EIPR1: variants seen among roughly 807,000 people sequenced by gnomAD.
EIPR1 encodes EARP and GARP complex-interacting protein 1.
A neutral mutation model predicts 48.1 loss-of-function variants in EIPR1; 25 were observed. The observed-to-expected ratio is 0.52, with a 90% CI of 0.38 to 0.73. EIPR1 has a LOEUF of 0.73. Ranked by LOEUF, EIPR1 falls within the 30% of genes least tolerant of loss-of-function variation. EIPR1 has a pLI of 0.00. For synonymous variants in EIPR1, 204 were observed against 201.9 expected, an observed-to-expected ratio of 1.01 and a Z score of -0.09; for missense variants, 415 against 506.2, an observed-to-expected ratio of 0.82 and a Z score of 1.73.
At position 3,286,432 on chromosome 2, in the gene EIPR1, C is replaced by T. The variant is rs114745127; in HGVS notation, c.260-28977G>A. Reference sequence around the variant, plus strand: ...GCCCAGAAGGAGCAGTGCCAAGGACCCCCGGGGGTGGGGCCATCCTACCAG... The same window carrying T: ...GCCCAGAAGGAGCAGTGCCAAGGACTCCCGGGGGTGGGGCCATCCTACCAG... On this transcript the variant is annotated intron_variant, in intron 3 of 8. Coordinates refer to ENST00000382125, the MANE Select transcript of EIPR1 (RefSeq NM_003310.5). This position sits in a 1 kb window ranked among gnomAD's most constrained non-coding sequence, Gnocchi z 4.2. Among the ~76,000 whole-genome samples, 863 of 152,210 alleles carry T rather than the reference C, an allele frequency of 5.7e-3. 6 individuals carry two copies. The highest frequency in any genetic ancestry group is 0.02 in the African/African-American group (811 of 41,534).
intron 2 of EIPR1, among the ~76,000 whole-genome samples, chr2:3,350,704 A>G (rs1048760130): frequency 5.3e-5 from 8 of 152,220 alleles, no homozygotes; most frequent in Non-Finnish European, 8.8e-5. Context: ...TACCAGAAAC[A>G]GAAAGACAAA....
At chr2:3,246,879 G>GGGAA (rs1349007532) in intron 4 of EIPR1, among the ~76,000 whole-genome samples, 3 of 33,676 alleles carry the variant, frequency 8.9e-5, no homozygotes, top group African/African-American at 4.1e-4. Context: ...GAGGGAGGGA[G>GGGAA]GGAGGGAGGG....
intron 3 of EIPR1, among the ~76,000 whole-genome samples, chr2:3,330,465 C>T (rs963284871): frequency 2.6e-5 from 4 of 151,978 alleles, no homozygotes; most frequent in Admixed American, 6.6e-5. Flanking sequence ...AGAGTGTCGC[C>T]GAGGATGGTG....
chr2:3,306,593 T>C (rs772078959), intron 3 of EIPR1, among the ~76,000 whole-genome samples: 12 of 152,262 alleles, frequency 7.9e-5, no homozygotes, highest in Non-Finnish European at 1.8e-4. Flanking sequence ...GTATGACAAA[T>C]GTATTACAGA....
chr2:3,248,864 C>A (rs1299675445), intron 4 of EIPR1, among the ~76,000 whole-genome samples: 2 of 152,220 alleles, frequency 1.3e-5, no homozygotes, highest in African/African-American at 4.8e-5. Context: ...CACTGGGCCC[C>A]TTTCACCTTC....
At chr2:3,314,618 T>G (rs1406819982) in intron 3 of EIPR1, among the ~76,000 whole-genome samples, 1 of 151,670 alleles carries the variant, frequency 6.6e-6, no homozygotes, top group Non-Finnish European at 1.5e-5. Context: ...GTGGTCTCAC[T>G]CACCGGCCAG....
At chr2:3,240,660 C>CCTTCCTAAAGAAAAGCCAGCAGACT (rs1666582387) in intron 4 of EIPR1, among the ~76,000 whole-genome samples, 1 of 128,208 alleles carries the variant, frequency 7.8e-6, no homozygotes, top group African/African-American at 2.8e-5. Flanking sequence ...GCCAGCAGAT[C>CCTTCCTAAAGAAAAGCCAGCAGACT]CTTCCTCAAG....
chr2:3,258,886 G>GGAGT (rs1338770466), intron 3 of EIPR1, among the ~76,000 whole-genome samples: 1 of 152,016 alleles, frequency 6.6e-6, no homozygotes, highest in Non-Finnish European at 1.5e-5. Context: ...TTACAAAAAT[G>GGAGT]GAGTGTACAG....
At position 3,294,869 on chromosome 2, in the gene EIPR1, C is replaced by T. The variant is rs73913309; in HGVS notation, c.260-37414G>A. On this transcript the variant is annotated intron_variant, in intron 3 of 8. Coordinates refer to ENST00000382125, the MANE Select transcript of EIPR1 (RefSeq NM_003310.5). ...CTCCACATACCCTCCATCCAGCCAA[C>T]CTCTCTCTATACACATGCCCTCCAT... 5.9e-3 allele frequency among the ~76,000 whole-genome samples: 752 copies of T among 128,102 alleles called. 16 individuals carry two copies. Among genetic ancestry groups the T allele is most frequent in the African/African-American group, 0.022 (721 of 32,340 alleles). 84.0% of individuals were successfully genotyped at this position (128,102 alleles called of 152,430 possible).
intron 4 of EIPR1, among the ~76,000 whole-genome samples, chr2:3,225,397 C>A (rs972508039): frequency 6.6e-6 from 1 of 152,080 alleles, no homozygotes. Flanking sequence ...AGGCACATGC[C>A]ACCCTACTTG....
chr2:3,224,373 A>G (rs34314646), intron 4 of EIPR1, among the ~76,000 whole-genome samples: 8,806 of 152,214 alleles, frequency 0.058, 269 homozygotes, highest in Non-Finnish European at 0.063. Context: ...TACCTCTAAT[A>G]GTCACATCCG....
chr2:3,324,465 T>C (rs1231005513), intron 3 of EIPR1, among the ~76,000 whole-genome samples: 1 of 152,222 alleles, frequency 6.6e-6, no homozygotes, highest in Non-Finnish European at 1.5e-5. Context: ...CCCTCCAGGC[T>C]GGACTCCCAG....
chr2:3,255,990 C>T (rs1572361835), intron 4 of EIPR1, among the ~76,000 whole-genome samples: 1 of 152,184 alleles, frequency 6.6e-6, no homozygotes, highest in Non-Finnish European at 1.5e-5. Context: ...CGGGGAGTGA[C>T]AGCAGTGGCA....
chr2:3,246,238 C>A (rs1200466300), intron 4 of EIPR1, among the ~76,000 whole-genome samples: 1 of 152,196 alleles, frequency 6.6e-6, no homozygotes, highest in Non-Finnish European at 1.5e-5. Flanking sequence ...ACAACATTTA[C>A]AAAATGGGAA....
chr2:3,199,655 G>T (rs558452197), intron 5 of EIPR1, among the ~76,000 whole-genome samples: 1 of 148,548 alleles, frequency 6.7e-6, no homozygotes, highest in Non-Finnish European at 1.5e-5. Flanking sequence ...AGCTATGGGG[G>T]GCGTGTCCAC....
intron 3 of EIPR1, chr2:3,318,857 C>G: frequency 2.1e-6 from 1 of 471,170 alleles, no homozygotes. Context: ...TTGAGCTCAC[C>G]TGCGACCTGT....
At chr2:3,278,621 G>A (rs115099291) in intron 3 of EIPR1, among the ~76,000 whole-genome samples, 2,134 of 152,256 alleles carry the variant, frequency 0.014, 45 homozygotes, top group African/African-American at 0.049. Context: ...CTGCTCTACC[G>A]GAGGCTCCAC....
intron 4 of EIPR1, among the ~76,000 whole-genome samples, chr2:3,254,935 A>G (rs984289114): frequency 2.0e-5 from 3 of 152,250 alleles, no homozygotes; most frequent in African/African-American, 7.2e-5. Context: ...ATAGTTATGC[A>G]GTGTTACTAT....
At chr2:3,220,517 AG>A (rs1665844793) in intron 4 of EIPR1, among the ~76,000 whole-genome samples, 2 of 152,096 alleles carry the variant, frequency 1.3e-5, no homozygotes, top group African/African-American at 2.4e-5. Flanking sequence ...TTATAGAGTC[AG>A]GTGCACACAC....
Sources: allele counts gnomAD v4.1 joint callset (sites outside exome capture counted in the v4.1 genomes callset), GRCh38; gene constraint gnomAD v4.1.1; non-coding constraint Gnocchi (gnomAD v3.1); transcripts MANE v1.5; gene names NCBI Gene and HGNC (gene_info 2026-07-23, HGNC 2026-07-21).